Variants in WWP2 observed in about 807,000 individuals in gnomAD.
The protein encoded by WWP2 is WW domain containing E3 ubiquitin protein ligase 2.
Under a neutral mutation model 121.0 loss-of-function variants are expected in WWP2, and 57 were observed. The ratio of observed to expected loss-of-function variants is 0.47; its 90% confidence interval spans 0.38 to 0.59. WWP2 has a LOEUF of 0.59. WWP2 is among the 20% of genes least tolerant of loss of function. The pLI, the probability that WWP2 is intolerant of heterozygous loss-of-function variation, is 0.00. For missense variants in WWP2, 962 were observed against 1,158.9 expected (o/e 0.83, Z 2.47); for synonymous variants, 449 against 441.3 (o/e 1.02, Z -0.22).
At position 69,935,839 on chromosome 16, in the gene WWP2, C is replaced by G. The variant is rs1322057046; in HGVS notation, c.1843-14C>G. The G allele has an allele frequency of 3.1e-6, 5 of 1,607,870 alleles. No homozygotes were observed. The highest frequency in any genetic ancestry group is 4.2e-6 in the Non-Finnish European group (5 of 1,177,068). Reference sequence around the variant, plus strand: ...GGAAGGCCAAACCTCTGTGCTGTGCCTCTTCCTTCCCAGGCGCTGTACCAT... The same window carrying G: ...GGAAGGCCAAACCTCTGTGCTGTGCGTCTTCCTTCCCAGGCGCTGTACCAT... On this transcript the variant is annotated splice_polypyrimidine_tract_variant and intron_variant, in intron 17 of 23. Coordinates refer to ENST00000359154, the MANE Select transcript of WWP2 (RefSeq NM_001270454.2). This position sits in a 1 kb window ranked among gnomAD's most constrained non-coding sequence, Gnocchi z 5.2.
intron 21 of WWP2, among the ~76,000 whole-genome samples, chr16:69,938,584 C>G (rs2058834077): frequency 7.0e-6 from 1 of 142,912 alleles, no homozygotes; most frequent in South Asian, 2.2e-4. Flanking sequence ...TGCCACTGCT[C>G]TGCAGTGAGC....
Position 69,937,263 on chromosome 16 carries a change from C to T in WWP2, c.2238+25C>T, listed in dbSNP as rs1357228654. On this transcript the variant is annotated intron_variant, in intron 20 of 23. Coordinates refer to ENST00000359154, the MANE Select transcript of WWP2 (RefSeq NM_001270454.2). The surrounding 1 kb of genome is among the most constrained non-coding windows in gnomAD (Gnocchi z 6.6). ...GGTGAGTGTCTGAGGTTGCTGGGAC[C>T]CTGAGCCCCTGCCTCTGGGGCGATC... 1 of 1,611,510 alleles carries T rather than the reference C, an allele frequency of 6.2e-7. No homozygotes were observed. The highest frequency in any genetic ancestry group is 1.1e-5 in the South Asian group (1 of 90,714).
chr16:69,906,958 C>T (rs561183138), intron 8 of WWP2, among the ~76,000 whole-genome samples: 1 of 152,248 alleles, frequency 6.6e-6, no homozygotes, highest in African/African-American at 2.4e-5. Flanking sequence ...GAATGTAATA[C>T]TAAAAATATT....
rs1416813181 is a variant in WWP2 at position 69,937,916 on chromosome 16, C to T, written c.2343+264C>T. ...GGACAGACCTGCAGGCAGACAGCAG[C>T]TGCCACTGGTTGAGAGGTCCCCTGC... On this transcript the variant is annotated intron_variant, in intron 21 of 23. Coordinates refer to ENST00000359154, the MANE Select transcript of WWP2 (RefSeq NM_001270454.2). The surrounding 1 kb of genome is among the most constrained non-coding windows in gnomAD (Gnocchi z 6.6). Among the ~76,000 whole-genome samples, 1 of 152,176 alleles carries T rather than the reference C, an allele frequency of 6.6e-6. No individual in the cohort carries two copies. The highest frequency in any genetic ancestry group is 1.5e-5 in the Non-Finnish European group (1 of 68,026).
intron 2 of WWP2, among the ~76,000 whole-genome samples, chr16:69,788,374 A>C (rs1166039297): frequency 1.3e-5 from 2 of 152,048 alleles, no homozygotes; most frequent in Non-Finnish European, 2.9e-5. Flanking sequence ...CAAACCATTC[A>C]AGGGTGCTCC....
rs1419974931 is a variant in WWP2, at chr16:69,931,835, C to T, written c.1627C>T (p.Arg543Trp). 5 of 1,613,684 alleles carry T rather than the reference C, an allele frequency of 3.1e-6. No individual in the cohort carries two copies. Among genetic ancestry groups the T allele is most frequent in the South Asian group, 1.1e-5 (1 of 91,082 alleles). Reference protein sequence around the residue: ...MNMKPYDLRRRLYIIMRGEEG... With the variant: ...MNMKPYDLRRWLYIIMRGEEG... ...CATGAAACCCTATGACCTGCGCCGC[C>T]GGCTCTACATCATCATGCGTGGCGA... Residue 543 changes from arginine (R) to tryptophan (W), a missense_variant, in exon 16 of 24, where the codon CGG (arginine) becomes TGG (tryptophan). Physicochemically the swap from Arg to Trp is moderately radical, Grantham distance 101. Around this residue, in one of 3 missense-constraint regions of WWP2, gnomAD observed 606 missense variants for 772.6 expected, o/e 0.78. Coordinates refer to ENST00000359154, the MANE Select transcript of WWP2 (RefSeq NM_001270454.2).
rs912214104 is a variant in WWP2, at chr16:69,941,636, G to A, written c.*1696G>A. The A allele has an allele frequency of 1.9e-5, 3 of 153,874 alleles. No homozygotes were observed. The Admixed American group carries it at 2.0e-4, about 10-fold the overall frequency. The allele number at this position is 153,874 out of a possible 1,614,324, so 9.5% of individuals were successfully genotyped here. A position where few individuals can be genotyped will look rare whatever the true frequency, so the allele number is the denominator to read the frequency against. On this transcript the variant is annotated 3_prime_UTR_variant, in exon 24 of 24. Coordinates refer to ENST00000359154, the MANE Select transcript of WWP2 (RefSeq NM_001270454.2). ...GTGTATATAACTGAAGTGTCTGTAC[G>A]GAATGCCCTTTGCTAGCCATGGGCT...
intron 9 of WWP2, chr16:69,910,355 G>C: frequency 1.0e-6 from 1 of 982,450 alleles, no homozygotes; most frequent in Non-Finnish European, 1.2e-6. Flanking sequence ...TTACACACTT[G>C]TACTTTGTGT....
chr16:69,878,014 G>A (rs1376368809), intron 7 of WWP2, among the ~76,000 whole-genome samples: 3 of 151,682 alleles, frequency 2.0e-5, no homozygotes. Flanking sequence ...TACCATGTTG[G>A]CCAGGCTGAT....
intron 12 of WWP2, 119 bp from the exon 13 acceptor site, chr16:69,930,011 T>C: frequency 6.9e-7 from 1 of 1,452,592 alleles, no homozygotes; most frequent in South Asian, 1.3e-5. Context: ...TGGGTGCATG[T>C]CCTCAAAGTC....
chr16:69,933,627 G>A (rs2058752420), intron 16 of WWP2, among the ~76,000 whole-genome samples: 1 of 152,198 alleles, frequency 6.6e-6, no homozygotes, highest in Non-Finnish European at 1.5e-5. Context: ...CTAGGCAACT[G>A]AGCATGGTGA....
intron 4 of WWP2, among the ~76,000 whole-genome samples, chr16:69,827,445 C>T (rs552497898): frequency 5.3e-5 from 8 of 151,548 alleles, no homozygotes; most frequent in African/African-American, 1.7e-4. Context: ...TTGTTGTATA[C>T]GCTTTATAAT....
intron 8 of WWP2, among the ~76,000 whole-genome samples, chr16:69,896,353 T>C (rs1284311694): frequency 6.6e-6 from 1 of 152,122 alleles, no homozygotes; most frequent in Non-Finnish European, 1.5e-5. Context: ...TCTTGGAGGC[T>C]CAAGCGATCC....
Position 69,937,611 on chromosome 16 carries a change from C to T in WWP2, c.2302C>T (p.His768Tyr). The T allele has an allele frequency of 6.2e-7, 1 of 1,613,906 alleles. No homozygotes were observed. Reference sequence around the variant, plus strand: ...CTGGCAGAAGAGCACCATCTACCGGCACTACACCAAGAACAGCAAGCAGAT... The same window carrying T: ...CTGGCAGAAGAGCACCATCTACCGGTACTACACCAAGAACAGCAAGCAGAT... ...SDWQKSTIYR[H>Y]YTKNSKQIQW... is the part of the protein sequence containing the mutation. Residue 768 changes from histidine to tyrosine, a missense_variant, in exon 21 of 24, where the codon CAC becomes TAC. Transcript: ENST00000359154. This position sits in a 1 kb window ranked among gnomAD's most constrained non-coding sequence, Gnocchi z 6.6.
At chr16:69,879,773 A>G (rs996990633) in intron 7 of WWP2, among the ~76,000 whole-genome samples, 4 of 152,158 alleles carry the variant, frequency 2.6e-5, no homozygotes, top group Non-Finnish European at 5.9e-5. Context: ...TTAACATGTC[A>G]TGCCCATGCT....
At chr16:69,823,281 G>C (rs545041089) in intron 4 of WWP2, among the ~76,000 whole-genome samples, 17 of 152,260 alleles carry the variant, frequency 1.1e-4, no homozygotes, top group Admixed American at 9.2e-4. Context: ...CCTCAGGTGT[G>C]TCTTTCTGAC....
intron 8 of WWP2, among the ~76,000 whole-genome samples, chr16:69,903,739 G>A (rs1430824448): frequency 1.3e-5 from 2 of 149,640 alleles, no homozygotes; most frequent in Non-Finnish European, 2.9e-5. Flanking sequence ...CTGCCCTCCA[G>A]CCTGGCGACA....
intron 23 of WWP2, 24 bp from the exon 24 acceptor site, chr16:69,939,815 CTG>C (rs1567450227): frequency 6.2e-7 from 1 of 1,604,370 alleles, no homozygotes; most frequent in Non-Finnish European, 8.5e-7. Context: ...CTAGGGCTGA[CTG>C]TCGTGCTTCC....
intron 4 of WWP2, among the ~76,000 whole-genome samples, chr16:69,812,612 C>T (rs2056416741): frequency 6.6e-6 from 1 of 151,594 alleles, no homozygotes; most frequent in Non-Finnish European, 1.5e-5. Flanking sequence ...TTAGTTGAGA[C>T]CACAGATATG....
Sources: gnomAD v4.1 joint callset for allele counts (sites outside exome capture counted in the v4.1 genomes callset) on GRCh38, gnomAD v4.1.1 for gene constraint, gnomAD v4.1.1 regional missense constraint, Gnocchi (gnomAD v3.1) non-coding constraint, MANE v1.5 for transcripts, NCBI Gene and HGNC (gene_info 2026-07-23, HGNC 2026-07-21) for gene names.